Variants in GCNT1 observed in about 807,000 individuals in gnomAD.
GCNT1 encodes the protein beta-1,3-galactosyl-O-glycosyl-glycoprotein beta-1,6-N-acetylglucosaminyltransferase.
GCNT1 carries 16 observed loss-of-function variants against 26.2 expected under a neutral mutation model. That is an observed-to-expected ratio of 0.61 (90% CI 0.41 to 0.93). The LOEUF is 0.93. Among genes scored for constraint, GCNT1 ranks in the 40% least tolerant of loss-of-function variants. GCNT1 has a pLI of 0.00. For synonymous variants in GCNT1, 183 were observed against 190.8 expected, an observed-to-expected ratio of 0.96 and a Z score of 0.34; for missense variants, 477 against 526.7, an observed-to-expected ratio of 0.91 and a Z score of 0.92.
intron 2 of GCNT1, among the ~76,000 whole-genome samples, chr9:76,467,264 A>T (rs6560525): frequency 6.6e-6 from 1 of 151,916 alleles, no homozygotes; most frequent in African/African-American, 2.4e-5. Flanking sequence ...GGATGGTCTC[A>T]ATCTCCTGAC....
At chr9:76,412,661 T>C in the GCNT1 span, among the ~76,000 whole-genome samples, 7 of 152,238 alleles carry the variant, frequency 4.6e-5, no homozygotes, top group Admixed American at 3.9e-4. Flanking sequence ...AATTTTCTCA[T>C]ATTGGAAACA....
At chr9:76,478,475 T>C (rs1824316535) in intron 2 of GCNT1, among the ~76,000 whole-genome samples, 1 of 152,136 alleles carries the variant, frequency 6.6e-6, no homozygotes, top group Non-Finnish European at 1.5e-5. Context: ...AAACTCCAGA[T>C]GCATCATCTT....
chr9:76,503,525 A>G lies in GCNT1; in HGVS notation c.1144A>G (p.Ile382Val), dbSNP rs779760950. The G allele has an allele frequency of 1.2e-6, 2 of 1,614,118 alleles. No homozygotes were observed. Among genetic ancestry groups the G allele is most frequent in the Non-Finnish European group, 1.7e-6 (2 of 1,180,024 alleles). Residue 382 changes from isoleucine to valine, a missense_variant, in exon 4 of 4, where the codon ATT (isoleucine) becomes GTT (valine). Transcript: ENST00000376730. ...TGGAGTCCATGTGCGCTCAGTGTGCATTTTCGGAGCTGGTGACTTGAACTG... is the reference window on the plus strand; with the variant it reads ...TGGAGTCCATGTGCGCTCAGTGTGCGTTTTCGGAGCTGGTGACTTGAACTG... ...CDGVHVRSVCIFGAGDLNWML... is the reference protein window; with the variant it reads ...CDGVHVRSVCVFGAGDLNWML...
chr9:76,406,325 A>G, the GCNT1 span, among the ~76,000 whole-genome samples: 2 of 151,452 alleles, frequency 1.3e-5, no homozygotes, highest in African/African-American at 4.9e-5. Flanking sequence ...GAGACCCTTT[A>G]TCTACAAAAA....
upstream of GCNT1, among the ~76,000 whole-genome samples, chr9:76,455,152 C>G (rs183794271): frequency 1.1e-3 from 172 of 151,908 alleles, no homozygotes; most frequent in Middle Eastern, 6.8e-3. Flanking sequence ...AGCCTTTAAA[C>G]CTCTTTTCTT....
At chr9:76,448,640 A>G (rs1456638629) in intron 1 of GCNT1, among the ~76,000 whole-genome samples, 1 of 152,166 alleles carries the variant, frequency 6.6e-6, no homozygotes, top group Non-Finnish European at 1.5e-5. Context: ...AGCCCCAGCA[A>G]CAACTGCTCT....
upstream of GCNT1, among the ~76,000 whole-genome samples, chr9:76,456,638 A>T (rs977805695): frequency 2.0e-5 from 3 of 152,202 alleles, no homozygotes; most frequent in Non-Finnish European, 1.5e-5. Flanking sequence ...TACCTTCTAA[A>T]CTACTTGTAT....
At position 76,503,458 on chromosome 9, in the gene GCNT1, T is replaced by A. The variant is rs1456969307; in HGVS notation, c.1077T>A (p.Phe359Leu). The A allele has an allele frequency of 3.1e-6, 5 of 1,614,000 alleles. No homozygotes were observed. The highest frequency in any genetic ancestry group is 4.2e-6 in the Non-Finnish European group (5 of 1,180,008). ...AVARFVKWQY[F>L]EGDVSKGAPY... is the part of the protein sequence containing the mutation. ...CCAGGTTTGTCAAGTGGCAGTACTT[T>A]GAGGGTGATGTTTCCAAGGGTGCTC... is the stretch of plus-strand genomic sequence containing the variant. The change falls in exon 4 of 4, where the codon TTT becomes TTA. Residue 359 changes from phenylalanine (F) to leucine (L), a missense_variant. Physicochemically the swap from Phe to Leu is conservative, Grantham distance 22 (BLOSUM62 0). Transcript: ENST00000376730.
chr9:76,413,195 C>T, the GCNT1 span, among the ~76,000 whole-genome samples: 2 of 152,318 alleles, frequency 1.3e-5, no homozygotes, highest in African/African-American at 4.8e-5. Context: ...TAACTTCTTT[C>T]CTGGCCAGGG....
rs1823651185 is a variant in GCNT1 at position 76,450,696 on chromosome 9, T to C, written c.-290+8381T>C. On this transcript the variant is annotated intron_variant, in intron 1 of 2. Coordinates refer to the GCNT1 transcript ENST00000442371. ...TATGTGGATTTCTTCTTTAGTGAAG[T>C]ATCTTATCATGCCCTTTGCCCATTT... 2.0e-5 allele frequency among the ~76,000 whole-genome samples: 3 copies of C among 152,242 alleles called. No individual in the cohort carries two copies. The South Asian group carries it at 6.2e-4, about 31-fold the overall frequency.
the GCNT1 span, among the ~76,000 whole-genome samples, chr9:76,396,164 GAT>G: frequency 1.3e-5 from 2 of 152,222 alleles, no homozygotes; most frequent in Non-Finnish European, 2.9e-5. Context: ...AATTAAATGA[GAT>G]AAAATAATTA....
At chr9:76,465,337 T>G (rs1823971494) in intron 2 of GCNT1, among the ~76,000 whole-genome samples, 1 of 152,106 alleles carries the variant, frequency 6.6e-6, no homozygotes, top group Admixed American at 6.6e-5. Flanking sequence ...TTGGCCAGGC[T>G]GGTCTTGAAC....
intron 2 of GCNT1, among the ~76,000 whole-genome samples, chr9:76,472,794 G>A (rs900080790): frequency 1.1e-4 from 16 of 147,702 alleles, no homozygotes; most frequent in African/African-American, 3.8e-4. Flanking sequence ...TGTCACCCAG[G>A]CTGGAGTGCA....
upstream of GCNT1, among the ~76,000 whole-genome samples, chr9:76,437,787 G>A (rs561192748): frequency 2.6e-5 from 4 of 152,256 alleles, no homozygotes; most frequent in Admixed American, 2.0e-4. Context: ...ATATTTATTA[G>A]GTTTGTGGAA....
In GCNT1 at chr9:76,504,585, G is replaced by T. The variant is rs1028218750; in HGVS notation, c.*917G>T. Reference sequence around the variant, plus strand: ...CAGGATGATACAGGTTTGAGGGGCTGGGGAGTGGGAGGGGGGAGAAAAGGA... The same window carrying T: ...CAGGATGATACAGGTTTGAGGGGCTTGGGAGTGGGAGGGGGGAGAAAAGGA... On this transcript the variant is annotated 3_prime_UTR_variant, in exon 4 of 4. Transcript: ENST00000376730. The T allele has an allele frequency of 2.5e-6, 1 of 408,158 alleles. No individual in the cohort carries two copies. The highest frequency in any genetic ancestry group is 4.4e-5 in the Admixed American group (1 of 22,570). 25.3% of individuals were successfully genotyped at this position (408,158 alleles called of 1,614,324 possible). A position where few individuals can be genotyped will look rare whatever the true frequency, so the allele number is the denominator to read the frequency against.
At chr9:76,470,923 C>T (rs7032380) in intron 2 of GCNT1, among the ~76,000 whole-genome samples, 12,457 of 152,172 alleles carry the variant, frequency 0.082, 840 homozygotes, top group African/African-American at 0.19. Flanking sequence ...CTTTGGGGCC[C>T]GCCAGGCTTG....
chr9:76,437,645 G>A (rs567866709), upstream of GCNT1, among the ~76,000 whole-genome samples: 5 of 152,028 alleles, frequency 3.3e-5, no homozygotes, highest in Non-Finnish European at 4.4e-5. Context: ...CTATGGACTC[G>A]CCCTGAATTC....
chr9:76,421,063 T>G (rs7041690), intron 1 of GCNT1, among the ~76,000 whole-genome samples: 51,077 of 151,920 alleles, frequency 0.34, 9,137 homozygotes, highest in Middle Eastern at 0.4. Flanking sequence ...TATTTTTTCC[T>G]CATGGGGTCA....
chr9:76,469,705 C>T (rs1824088863), intron 2 of GCNT1, among the ~76,000 whole-genome samples: 1 of 152,228 alleles, frequency 6.6e-6, no homozygotes, highest in Non-Finnish European at 1.5e-5. Context: ...CAGCGAGGCG[C>T]CCATTGCCGC....
Sources: gnomAD v4.1 joint callset for allele counts (sites outside exome capture counted in the v4.1 genomes callset) on GRCh38, gnomAD v4.1.1 for gene constraint, MANE v1.5 for transcripts, NCBI Gene and HGNC (gene_info 2026-07-23, HGNC 2026-07-21) for gene names.